ATP10D: variants seen among roughly 807,000 people sequenced by gnomAD.
ATP10D encodes the protein ATPase phospholipid transporting 10D (putative).
ATP10D carries 89 observed loss-of-function variants against 144.8 expected under a neutral mutation model. The observed-to-expected ratio is 0.61, with a 90% CI of 0.52 to 0.73. The LOEUF (loss-of-function observed/expected upper bound fraction) is 0.73. ATP10D is among the 30% of genes least tolerant of loss of function. The pLI is 0.00. For missense variants in ATP10D, 1,603 were observed against 1,714.8 expected, an observed-to-expected ratio of 0.93 and a Z score of 1.15; for synonymous variants, 571 against 615.1, an observed-to-expected ratio of 0.93 and a Z score of 1.06.
At chr4:47,493,528 T>A (rs1436075782) in intron 1 of ATP10D, among the ~76,000 whole-genome samples, 2 of 152,202 alleles carry the variant, frequency 1.3e-5, no homozygotes, top group Non-Finnish European at 2.9e-5. Flanking sequence ...TAAAGTAAGC[T>A]CAGCTAAGCT....
chr4:47,581,880 GGTTGAGC>G (rs1720536998), intron 20 of ATP10D, 73 bp from the exon 21 acceptor site: 1 of 1,119,300 alleles, frequency 8.9e-7, no homozygotes, highest in South Asian at 1.3e-5. Flanking sequence ...TTCAAGCCTT[GGTTGAGC>G]TGTAGATAAA....
intron 10 of ATP10D, among the ~76,000 whole-genome samples, chr4:47,551,437 T>C (rs1175422356): frequency 6.6e-6 from 1 of 152,232 alleles, no homozygotes; most frequent in Non-Finnish European, 1.5e-5. Flanking sequence ...TCTTGAATTT[T>C]AAAAAGATAT....
intron 4 of ATP10D, among the ~76,000 whole-genome samples, chr4:47,523,645 T>G (rs1717085261): frequency 6.6e-6 from 1 of 152,220 alleles, no homozygotes; most frequent in Admixed American, 6.5e-5. Context: ...GAAGTTATAT[T>G]GACATAGGTT....
chr4:47,582,991 AAACT>A (rs1223683133), intron 21 of ATP10D: 2 of 152,330 alleles, frequency 1.3e-5, no homozygotes, highest in African/African-American at 2.4e-5. Context: ...AAAAATAACA[AAACT>A]AACTGTGTGT....
chr4:47,573,686 G>T (rs890446674), intron 18 of ATP10D, among the ~76,000 whole-genome samples: 5 of 152,088 alleles, frequency 3.3e-5, no homozygotes, highest in Non-Finnish European at 5.9e-5. Flanking sequence ...TCTAAGTGGG[G>T]TAATTATGTA....
rs542904882 is a variant in ATP10D at position 47,533,453 on chromosome 4, CTT to C, written c.777-2054_777-2053del. Among the ~76,000 whole-genome samples the C allele has an allele frequency of 2.8e-4, 42 of 152,170 alleles. No homozygotes were observed. In the South Asian group the frequency reaches 3.1e-3, roughly 11 times the overall value. The stretch of plus-strand genomic sequence containing the variant: ...AGTGAAATGATAAATCTGTCTTTCT[CTT>C]TCTTTGTAGTATGAAACCTTATTTG... On this transcript the variant is annotated intron_variant, in intron 5 of 22. Transcript: ENST00000273859.
In ATP10D at chr4:47,576,926, AC is replaced by A; in HGVS notation, c.3523del (p.Leu1175SerfsTer58). 6.2e-7 allele frequency: 1 copy of A among 1,614,168 alleles called. No individual in the cohort carries two copies. The highest frequency in any genetic ancestry group is 8.5e-7 in the Non-Finnish European group (1 of 1,180,024). On this transcript the variant is annotated frameshift_variant, in exon 19 of 23. Coordinates refer to ENST00000273859, the MANE Select transcript of ATP10D (RefSeq NM_020453.4). LOFTEE classifies it high-confidence loss of function. Reference sequence around the variant, plus strand: ...TTTGGAGAAAGATGTGTCTGCAGAGACCCTCATGCAACTGCCTGAACTTTAC... The same window carrying A: ...TTTGGAGAAAGATGTGTCTGCAGAGACCTCATGCAACTGCCTGAACTTTAC... ...GVLEKDVSAE[T>X]LMQLPELYRS...
chr4:47,566,141 A>T (rs1315718909), intron 15 of ATP10D, among the ~76,000 whole-genome samples: 2 of 152,212 alleles, frequency 1.3e-5, no homozygotes, highest in Non-Finnish European at 2.9e-5. Context: ...CTAAGCAGGC[A>T]ATGTGGCAGC....
intron 13 of ATP10D, chr4:47,560,205 C>T (rs1393063844): frequency 1.3e-5 from 2 of 152,170 alleles, no homozygotes; most frequent in Non-Finnish European, 2.9e-5. Context: ...GCCTCACCTG[C>T]TTTACTCCAC....
chr4:47,549,976 T>G (rs1718647310), intron 10 of ATP10D, among the ~76,000 whole-genome samples: 4 of 147,292 alleles, frequency 2.7e-5, no homozygotes, highest in East Asian at 2.0e-4. Flanking sequence ...TTCAGGACTG[T>G]GTTGTTTAGG....
intron 4 of ATP10D, 36 bp downstream of exon 4, chr4:47,523,252 A>G: frequency 1.3e-6 from 2 of 1,544,188 alleles, no homozygotes; most frequent in Middle Eastern, 1.9e-4. Flanking sequence ...GCTTATTAAC[A>G]TTTTTTTTCA....
chr4:47,546,746 G>T lies in ATP10D; in HGVS notation c.1519G>T (p.Gly507Trp). 1 of 1,614,088 alleles carries T rather than the reference G, an allele frequency of 6.2e-7. No individual in the cohort carries two copies. The highest frequency in any genetic ancestry group is 1.1e-5 in the South Asian group (1 of 91,070). The change falls in exon 10 of 23, where the codon GGG becomes TGG. Residue 507 changes from glycine to tryptophan, a missense_variant. Gly to Trp is a radical substitution (Grantham distance 184). Transcript: ENST00000273859. Reference sequence around the variant, plus strand: ...CCCCAGCTGCAGGACAGTTCATAATGGGCCTTTGGGAAATAAGCCCTCAAA... The same window carrying T: ...CCCCAGCTGCAGGACAGTTCATAATTGGCCTTTGGGAAATAAGCCCTCAAA... ...RAPSCRTVHN[G>W]PLGNKPSNHL... is the part of the protein sequence containing the mutation.
intron 5 of ATP10D, among the ~76,000 whole-genome samples, chr4:47,528,486 TGTG>T (rs1487127570): frequency 7.9e-6 from 1 of 125,994 alleles, no homozygotes; most frequent in East Asian, 2.0e-4. Flanking sequence ...TGTGTGTGTG[TGTG>T]TGTGTGTGTG....
chr4:47,491,233 T>C, intron 1 of ATP10D: 1 of 777,696 alleles, frequency 1.3e-6, no homozygotes, highest in Non-Finnish European at 2.3e-6. Flanking sequence ...CTTAACTTGT[T>C]TACAACAATG....
At chr4:47,562,832 AAT>A (rs148667924) in intron 14 of ATP10D, among the ~76,000 whole-genome samples, 12 of 151,380 alleles carry the variant, frequency 7.9e-5, no homozygotes, top group East Asian at 1.9e-4. Flanking sequence ...AATGTGATAT[AAT>A]ATATATATAT....
In ATP10D at chr4:47,557,930, A is replaced by G. The variant is rs764097189; in HGVS notation, c.2091A>G (p.Lys697=). ...CAGCTTGCTGCACAGAAACAGAGAAACAACACGGTGATGCAGGCCTCCTGA... is the reference window on the plus strand; with the variant it reads ...CAGCTTGCTGCACAGAAACAGAGAAGCAACACGGTGATGCAGGCCTCCTGA... ...SSSACCTETE[K]QHGDAGLLNG... is the part of the protein sequence containing the mutation. Residue 697 remains lysine, a synonymous_variant, in exon 12 of 23, where the codon AAA becomes AAG. Transcript: ENST00000273859. 13 of 1,614,072 alleles carry G rather than the reference A, an allele frequency of 8.1e-6. No homozygotes were observed. The South Asian group carries it at 1.4e-4, about 18-fold the overall frequency.
chr4:47,504,681 G>T (rs575699703), intron 1 of ATP10D, among the ~76,000 whole-genome samples: 1 of 152,194 alleles, frequency 6.6e-6, no homozygotes, highest in East Asian at 1.9e-4. Flanking sequence ...TGCTGCCTCA[G>T]CCTCCCAAGT....
intron 9 of ATP10D, among the ~76,000 whole-genome samples, chr4:47,543,708 T>C: frequency 1.3e-5 from 2 of 152,286 alleles, no homozygotes; most frequent in South Asian, 4.1e-4. Context: ...ACTAGCTGTT[T>C]AATCATGGTT....
At chr4:47,532,480 G>A (rs1161523896) in intron 5 of ATP10D, among the ~76,000 whole-genome samples, 1 of 152,198 alleles carries the variant, frequency 6.6e-6, no homozygotes, top group African/African-American at 2.4e-5. Context: ...GTGATTGGAG[G>A]GGCTTTTGTC....
Sources: allele counts gnomAD v4.1 joint callset (sites outside exome capture counted in the v4.1 genomes callset), GRCh38; gene constraint gnomAD v4.1.1; transcripts MANE v1.5; gene names NCBI Gene and HGNC (gene_info 2026-07-23, HGNC 2026-07-21).